The following SPRY3 variants were observed in gnomAD, a reference collection of about 807,000 sequenced individuals.
SPRY3 encodes sprouty RTK signaling antagonist 3, also known as protein sprouty homolog 3.
A neutral mutation model predicts 20.2 loss-of-function variants in SPRY3; 15 were observed. That is an observed-to-expected ratio of 0.74 (90% CI 0.50 to 1.14). SPRY3 has a LOEUF of 1.14. Ranked by LOEUF, SPRY3 falls within the 50% of genes most tolerant of loss-of-function variation. The pLI is 0.00. For synonymous variants in SPRY3, 143 were observed against 136.5 expected (o/e 1.05, Z -0.33); for missense variants, 364 against 363.9 (o/e 1.00, Z 0.00).
At chrX:155,623,700 G>A (rs969797630) in intron 1 of SPRY3, among the ~76,000 whole-genome samples, 1 of 111,909 alleles carries the variant, frequency 8.9e-6, no homozygotes, top group Non-Finnish European at 1.9e-5. Context: ...GGGTCCAGAC[G>A]CTAGTCCAAT....
At chrX:155,777,374 G>A (rs747057801), downstream of SPRY3, 3 of 166,978 alleles carry the variant, frequency 1.8e-5, no homozygotes, top group East Asian at 5.8e-4. Context: ...GGCAAATTGT[G>A]CACTGCCAGA....
At chrX:155,705,317 G>T (rs1243084372) in intron 2 of SPRY3, among the ~76,000 whole-genome samples, 1 of 151,364 alleles carries the variant, frequency 6.6e-6, no homozygotes, top group Non-Finnish European at 1.5e-5. Context: ...GGTAGACTGT[G>T]ATTTTTTGAA....
At chrX:155,776,848 A>T (rs1339941828), downstream of SPRY3, 1 of 167,090 alleles carries the variant, frequency 6.0e-6, no homozygotes, top group Non-Finnish European at 1.5e-5. Flanking sequence ...AAGTGTACTG[A>T]CATTTGGGCT....
intron 2 of SPRY3, among the ~76,000 whole-genome samples, chrX:155,709,215 C>A (rs2090970705): frequency 6.6e-6 from 1 of 151,472 alleles, no homozygotes; most frequent in African/African-American, 2.4e-5. Flanking sequence ...TGTATGGTAG[C>A]TCTATTTTTA....
intron 2 of SPRY3, among the ~76,000 whole-genome samples, chrX:155,692,381 T>C (rs1228562563): frequency 9.0e-6 from 1 of 111,694 alleles, no homozygotes; most frequent in African/African-American, 3.2e-5. Context: ...GTCTATTATG[T>C]TTCAGTGACC....
downstream of SPRY3, chrX:155,778,906 A>C (rs1233390235): frequency 6.0e-6 from 1 of 167,058 alleles, no homozygotes; most frequent in African/African-American, 2.4e-5. Context: ...ATAGAGTTTG[A>C]AGCAAAAGCT....
At chrX:155,666,138 G>A (rs1346053444) in intron 2 of SPRY3, among the ~76,000 whole-genome samples, 1 of 111,390 alleles carries the variant, frequency 9.0e-6, no homozygotes, top group African/African-American at 3.3e-5. Context: ...TATGAACATG[G>A]TTGGGCTGTT....
At chrX:155,743,336 C>T (rs1189552101) in intron 2 of SPRY3, among the ~76,000 whole-genome samples, 1 of 152,062 alleles carries the variant, frequency 6.6e-6, no homozygotes, top group African/African-American at 2.4e-5. Context: ...TGAATTAGTT[C>T]TGGGGATGTG....
chrX:155,759,262 G>A (rs1159693612), intron 2 of SPRY3, among the ~76,000 whole-genome samples: 1 of 151,802 alleles, frequency 6.6e-6, no homozygotes, highest in Non-Finnish European at 1.5e-5. Flanking sequence ...GACCTCAAGT[G>A]ATCCACCCAC....
At chrX:155,629,675 C>A (rs1751839313) in intron 1 of SPRY3, among the ~76,000 whole-genome samples, 1 of 111,703 alleles carries the variant, frequency 9.0e-6, no homozygotes, top group Admixed American at 9.5e-5. Flanking sequence ...CCTGTTGTTT[C>A]CTGACTTTTT....
At chrX:155,690,713 A>G (rs1455067825) in intron 2 of SPRY3, among the ~76,000 whole-genome samples, 7 of 87,101 alleles carry the variant, frequency 8.0e-5, no homozygotes, top group Non-Finnish European at 4.3e-5. Context: ...GAGACCTTCA[A>G]AAAGACTTAG....
intron 1 of SPRY3, among the ~76,000 whole-genome samples, chrX:155,639,159 C>T (rs782171905): frequency 1.8e-5 from 2 of 112,108 alleles, no homozygotes; most frequent in African/African-American, 3.2e-5. Flanking sequence ...ACTTTGAAAA[C>T]AAACCCTCCA....
intron 3 of SPRY3, among the ~76,000 whole-genome samples, chrX:155,770,648 C>G (rs1279926431): frequency 6.6e-6 from 1 of 151,722 alleles, no homozygotes; most frequent in Non-Finnish European, 1.5e-5. Flanking sequence ...CTCTCTCTCT[C>G]TCTCTCTCAT....
chrX:155,619,644 C>T (rs1055735800), intron 1 of SPRY3, among the ~76,000 whole-genome samples: 3 of 110,710 alleles, frequency 2.7e-5, no homozygotes, highest in African/African-American at 9.8e-5. Context: ...GCAATTGTTT[C>T]TCAAAATAGA....
chrX:155,684,038 C>A (rs1244287443), intron 2 of SPRY3, among the ~76,000 whole-genome samples: 1 of 109,256 alleles, frequency 9.2e-6, no homozygotes, highest in Non-Finnish European at 1.9e-5. Flanking sequence ...GTGGTGACAC[C>A]ATGAAGGTCA....
At chrX:155,738,540 C>T (rs1476564827) in intron 2 of SPRY3, among the ~76,000 whole-genome samples, 1 of 152,136 alleles carries the variant, frequency 6.6e-6, no homozygotes, top group Admixed American at 6.5e-5. Flanking sequence ...CACATTGGGA[C>T]TGACTAGGCA....
intron 2 of SPRY3, among the ~76,000 whole-genome samples, chrX:155,720,855 A>C (rs1346940579): frequency 6.6e-6 from 1 of 152,144 alleles, no homozygotes; most frequent in Non-Finnish European, 1.5e-5. Context: ...TACAATAAGT[A>C]CCCAACTCTT....
At chrX:155,739,852 A>C (rs1210002760) in intron 2 of SPRY3, among the ~76,000 whole-genome samples, 1 of 152,210 alleles carries the variant, frequency 6.6e-6, no homozygotes, top group Non-Finnish European at 1.5e-5. Flanking sequence ...AAACCCACAA[A>C]GATGAGAAAG....
intron 2 of SPRY3, among the ~76,000 whole-genome samples, chrX:155,724,096 G>C (rs1358793700): frequency 6.6e-6 from 1 of 152,090 alleles, no homozygotes; most frequent in African/African-American, 2.4e-5. Context: ...GATGGTTGTA[G>C]ATGTGTGGTT....
Sources: allele counts gnomAD v4.1 joint callset (sites outside exome capture counted in the v4.1 genomes callset), GRCh38; gene constraint gnomAD v4.1.1; transcripts MANE v1.5; gene names NCBI Gene and HGNC (gene_info 2026-07-23, HGNC 2026-07-21).